The following ABCF1 variants were observed in gnomAD, a reference collection of about 807,000 sequenced individuals.
ABCF1 encodes ATP binding cassette subfamily F member 1, also known as ATP-binding cassette sub-family F member 1.
A neutral mutation model predicts 126.3 loss-of-function variants in ABCF1; 73 were observed. The observed-to-expected ratio is 0.58, with a 90% confidence interval of 0.48 to 0.70. The LOEUF (loss-of-function observed/expected upper bound fraction) is 0.70. Ranked by LOEUF, ABCF1 falls within the 30% of genes least tolerant of loss-of-function variation. The pLI is 0.00. For synonymous variants in ABCF1, 345 were observed against 396.4 expected, an observed-to-expected ratio of 0.87 and a Z score of 1.54; for missense variants, 786 against 1,057.5, an observed-to-expected ratio of 0.74 and a Z score of 3.56.
chr6:30,580,142 C>T (rs530719374), intron 7 of ABCF1, 137 bp downstream of exon 7: 8 of 812,694 alleles, frequency 9.8e-6, no homozygotes, highest in South Asian at 1.7e-5. Flanking sequence ...GTCAGGAGAT[C>T]GAGACCATCC....
intron 20 of ABCF1, among the ~76,000 whole-genome samples, chr6:30,587,494 C>A (rs1035102840): frequency 6.6e-6 from 1 of 151,860 alleles, no homozygotes; most frequent in Admixed American, 6.6e-5. Flanking sequence ...ATTAGCCAGA[C>A]GTGGTTGCAC....
At chr6:30,585,461 C>A in intron 15 of ABCF1, 97 bp from the exon 16 acceptor site, 1 of 1,585,116 alleles carries the variant, frequency 6.3e-7, no homozygotes, top group South Asian at 1.1e-5. Context: ...CTATTCAGAC[C>A]CCCCTTTCCC....
At position 30,571,546 on chromosome 6, in the gene ABCF1, G is replaced by C; in HGVS notation, c.59G>C (p.Ser20Thr). Residue 20 changes from serine to threonine, a missense_variant, in exon 1 of 25, where the codon AGC (serine) becomes ACC (threonine). Physicochemically the swap from Ser to Thr is moderately conservative, Grantham distance 58 (BLOSUM62 1). Around this residue, in one of 4 missense-constraint regions of ABCF1, gnomAD observed 322 missense variants for 322.9 expected, o/e 1.00. Transcript: ENST00000326195. ...CCCGAGTGGATCGGGGACGGAGAGA[G>C]CACGAGCCCATCAGGTGAGGCTGGT... Reference protein sequence around the residue: ...PEPEWIGDGESTSPSDKVVKK... With the variant: ...PEPEWIGDGETTSPSDKVVKK... 1 of 1,610,268 alleles carries C rather than the reference G, an allele frequency of 6.2e-7. No individual in the cohort carries two copies. The highest frequency in any genetic ancestry group is 8.5e-7 in the Non-Finnish European group (1 of 1,179,480).
At position 30,578,459 on chromosome 6, in the gene ABCF1, T is replaced by G; in HGVS notation, c.382-11T>G. 6.2e-7 allele frequency: 1 copy of G among 1,614,040 alleles called. No homozygotes were observed. The highest frequency in any genetic ancestry group is 1.1e-5 in the South Asian group (1 of 91,078). On this transcript the variant is annotated splice_polypyrimidine_tract_variant and intron_variant, in intron 5 of 24. Coordinates refer to ENST00000326195, the MANE Select transcript of ABCF1 (RefSeq NM_001025091.2). ...CATCCTACTGACTTCTGTGGCCCTT[T>G]CATTCTCTAGGGTGGTAATGTTTTT...
chr6:30,590,872 C>T lies in ABCF1; in HGVS notation c.*171C>T. 1.6e-6 allele frequency: 1 copy of T among 633,518 alleles called. No homozygotes were observed. The highest frequency in any genetic ancestry group is 2.6e-6 in the Non-Finnish European group (1 of 384,562). 39.2% of individuals were successfully genotyped at this position (633,518 alleles called of 1,614,324 possible). On this transcript the variant is annotated 3_prime_UTR_variant, in exon 25 of 25. Coordinates refer to ENST00000326195, the MANE Select transcript of ABCF1 (RefSeq NM_001025091.2). ...GACCGGGATCCCACTCTGATTGCAT[C>T]CATTTCTCTGAAAGACTTGTTTGTT...
Position 30,584,375 on chromosome 6 carries a change from T to C in ABCF1, c.1243-43T>C. ...GGGACACGGGCAAAGACTTGGGGGTTCCTGGGACCCTCAGACGTGTGTCCT... is the reference window on the plus strand; with the variant it reads ...GGGACACGGGCAAAGACTTGGGGGTCCCTGGGACCCTCAGACGTGTGTCCT... On this transcript the variant is annotated intron_variant, in intron 13 of 24. Coordinates refer to ENST00000326195, the MANE Select transcript of ABCF1 (RefSeq NM_001025091.2). The surrounding 1 kb of genome is among the most constrained non-coding windows in gnomAD (Gnocchi z 4.6). The C allele has an allele frequency of 6.2e-7, 1 of 1,613,052 alleles. No individual in the cohort carries two copies. Among genetic ancestry groups the C allele is most frequent in the Non-Finnish European group, 8.5e-7 (1 of 1,179,992 alleles).
At chr6:30,588,514 A>G (rs142457770) in intron 20 of ABCF1, among the ~76,000 whole-genome samples, 14 of 152,070 alleles carry the variant, frequency 9.2e-5, no homozygotes, top group African/African-American at 3.4e-4. Flanking sequence ...GGCGCGTGCT[A>G]CCACGCCCAG....
chr6:30,578,713 A>G (rs1465355180), intron 6 of ABCF1, 136 bp downstream of exon 6: 18 of 875,378 alleles, frequency 2.1e-5, no homozygotes, highest in Non-Finnish European at 2.9e-5. Context: ...TTTAGAATAC[A>G]TGCCCAGGCT....
chr6:30,589,004 C>T (rs551297083), intron 20 of ABCF1, among the ~76,000 whole-genome samples: 1 of 152,120 alleles, frequency 6.6e-6, no homozygotes, highest in Admixed American at 6.5e-5. Context: ...AGGGGAACAT[C>T]CCTGTTCCTT....
intron 6 of ABCF1, 51 bp downstream of exon 6, chr6:30,578,628 G>A: frequency 6.7e-7 from 1 of 1,493,572 alleles, no homozygotes; most frequent in Non-Finnish European, 9.3e-7. Context: ...GCACCTTCTG[G>A]CCATGGTGGA....
intron 8 of ABCF1, among the ~76,000 whole-genome samples, chr6:30,582,126 G>A (rs1180365047): frequency 6.6e-6 from 1 of 151,064 alleles, no homozygotes; most frequent in African/African-American, 2.4e-5. Flanking sequence ...GCACGATCTC[G>A]GCTCACTGCA....
chr6:30,586,259 T>G lies in ABCF1; in HGVS notation c.1839T>G (p.Thr613=), dbSNP rs1206450251. The part of the protein sequence containing the change: ...KRPKEYTVRF[T]FPDPPPLSPP... Reference sequence around the variant, plus strand: ...CTAAGGAGTACACTGTGCGCTTCACTTTTCCAGACCCCCCACCACTCAGCC... The same window carrying G: ...CTAAGGAGTACACTGTGCGCTTCACGTTTCCAGACCCCCCACCACTCAGCC... The change falls in exon 18 of 25, where the codon ACT becomes ACG. Residue 613 remains threonine, a synonymous_variant. Coordinates refer to ENST00000326195, the MANE Select transcript of ABCF1 (RefSeq NM_001025091.2). This position sits in a 1 kb window ranked among gnomAD's most constrained non-coding sequence, Gnocchi z 4.9. The G allele has an allele frequency of 6.2e-7, 1 of 1,612,676 alleles. No homozygotes were observed. Among genetic ancestry groups the G allele is most frequent in the South Asian group, 1.1e-5 (1 of 90,938 alleles).
chr6:30,589,680 C>T lies in ABCF1; in HGVS notation c.2032-8C>T. ...CCCTCCTCTTAACTACTTTGTCTTC[C>T]CTTGCAGACCCATGGGGAAATGAGA... On this transcript the variant is annotated splice_region_variant and splice_polypyrimidine_tract_variant and intron_variant, in intron 20 of 24. Coordinates refer to ENST00000326195, the MANE Select transcript of ABCF1 (RefSeq NM_001025091.2). The T allele has an allele frequency of 5.6e-6, 9 of 1,613,998 alleles. No homozygotes were observed. Among genetic ancestry groups the T allele is most frequent in the Non-Finnish European group, 7.6e-6 (9 of 1,180,030 alleles).
chr6:30,583,590 C>T lies in ABCF1; in HGVS notation c.916-18C>T, dbSNP rs1801942774. 1 of 1,613,336 alleles carries T rather than the reference C, an allele frequency of 6.2e-7. No homozygotes were observed. The highest frequency in any genetic ancestry group is 1.3e-5 in the African/African-American group (1 of 74,908). On this transcript the variant is annotated intron_variant, in intron 10 of 24. Coordinates refer to ENST00000326195, the MANE Select transcript of ABCF1 (RefSeq NM_001025091.2). This position sits in a 1 kb window ranked among gnomAD's most constrained non-coding sequence, Gnocchi z 4.1. ...TGATCATCCCTTCCCTCTGCCACCTCTTTCCTGATGGCTGCAGCTGGAGAA... is the reference window on the plus strand; with the variant it reads ...TGATCATCCCTTCCCTCTGCCACCTTTTTCCTGATGGCTGCAGCTGGAGAA...
rs1051545717 is a variant in ABCF1, at chr6:30,574,131, T to C, written c.73+2571T>C. 1.3e-5 allele frequency among the ~76,000 whole-genome samples: 2 copies of C among 151,774 alleles called. No individual in the cohort carries two copies. Among genetic ancestry groups the C allele is most frequent in the African/African-American group, 4.8e-5 (2 of 41,326 alleles). ...ATAAGAGTGATTAAAGTACAAAAGA[T>C]TTTTTTGGTTTTGGTGGGTTTTTTT... On this transcript the variant is annotated intron_variant, in intron 1 of 24. Coordinates refer to ENST00000326195, the MANE Select transcript of ABCF1 (RefSeq NM_001025091.2). This position sits in a 1 kb window ranked among gnomAD's most constrained non-coding sequence, Gnocchi z 4.3.
In ABCF1 at chr6:30,590,818, C is replaced by A; in HGVS notation, c.*117C>A. ...GCAGCTGACCTGGCAACCATTCAGGCACATGAAGGTGGAGTGTGACCTTGA... is the reference window on the plus strand; with the variant it reads ...GCAGCTGACCTGGCAACCATTCAGGAACATGAAGGTGGAGTGTGACCTTGA... On this transcript the variant is annotated 3_prime_UTR_variant, in exon 25 of 25. Coordinates refer to ENST00000326195, the MANE Select transcript of ABCF1 (RefSeq NM_001025091.2). 2 of 1,168,852 alleles carry A rather than the reference C, an allele frequency of 1.7e-6. No homozygotes were observed. Among genetic ancestry groups the A allele is most frequent in the Non-Finnish European group, 2.4e-6 (2 of 831,494 alleles). The allele number at this position is 1,168,852 out of a possible 1,614,324, so 72.4% of individuals were successfully genotyped here.
At position 30,586,237 on chromosome 6, in the gene ABCF1, A is replaced by G. The variant is rs1802123901; in HGVS notation, c.1817A>G (p.Lys606Arg). 1 of 1,613,942 alleles carries G rather than the reference A, an allele frequency of 6.2e-7. No individual in the cohort carries two copies. The highest frequency in any genetic ancestry group is 2.2e-5 in the East Asian group (1 of 44,874). ...QEAPELLKRP[K>R]EYTVRFTFPD... is the part of the protein sequence containing the mutation. The stretch of plus-strand genomic sequence containing the variant: ...GCCCCTGAGCTCCTGAAGCGCCCTA[A>G]GGAGTACACTGTGCGCTTCACTTTT... Residue 606 changes from lysine (K) to arginine (R), a missense_variant, in exon 18 of 25, where the codon AAG (lysine) becomes AGG (arginine). Around this residue, in one of 4 missense-constraint regions of ABCF1, gnomAD observed 288 missense variants for 423.5 expected, o/e 0.68. Transcript: ENST00000326195. The surrounding 1 kb of genome is among the most constrained non-coding windows in gnomAD (Gnocchi z 4.9).
chr6:30,585,831 C>A, intron 16 of ABCF1, 48 bp from the exon 17 acceptor site: 1 of 1,562,726 alleles, frequency 6.4e-7, no homozygotes, highest in South Asian at 1.2e-5. Flanking sequence ...TGTCCCTTTG[C>A]TGGGAAGAGG....
chr6:30,587,219 C>G (rs1476943442), intron 20 of ABCF1, among the ~76,000 whole-genome samples: 1 of 150,088 alleles, frequency 6.7e-6, no homozygotes, highest in Non-Finnish European at 1.5e-5. Context: ...CATTGCACTC[C>G]AGCCTGGGCA....
Sources: allele counts gnomAD v4.1 joint callset (sites outside exome capture counted in the v4.1 genomes callset), GRCh38; gene constraint gnomAD v4.1.1; regional missense constraint gnomAD v4.1.1; non-coding constraint Gnocchi (gnomAD v3.1); transcripts MANE v1.5; gene names NCBI Gene and HGNC (gene_info 2026-07-23, HGNC 2026-07-21).